Variants in ATP7B observed in about 807,000 individuals in gnomAD.
The protein encoded by ATP7B is ATPase copper transporting beta.
ATP7B carries 113 observed loss-of-function variants against 118.9 expected under a neutral mutation model. The observed-to-expected ratio is 0.95, with a 90% CI of 0.82 to 1.11. ATP7B has a LOEUF of 1.11. Among genes scored for constraint, ATP7B ranks in the 50% most tolerant of loss-of-function variants. ATP7B has a pLI of 0.00. For missense variants in ATP7B, 1,867 were observed against 1,871.4 expected, an observed-to-expected ratio of 1.00 and a Z score of 0.04; for synonymous variants, 777 against 727.4, an observed-to-expected ratio of 1.07 and a Z score of -1.10.
intron 5 of ATP7B, 175 bp downstream of exon 5, chr13:51,964,697 T>C (rs1193853917): frequency 1.5e-6 from 1 of 687,498 alleles, no homozygotes; most frequent in East Asian, 2.8e-5. Flanking sequence ...CTCAGATTAT[T>C]TATTATTTAC....
chr13:51,979,234 C>G (rs949060681), intron 1 of ATP7B, among the ~76,000 whole-genome samples: 3 of 152,168 alleles, frequency 2.0e-5, no homozygotes, highest in Admixed American at 2.0e-4. Flanking sequence ...AGCTTGAATA[C>G]AAGGGTGTGT....
chr13:51,945,178 C>A (rs141078353), intron 13 of ATP7B, among the ~76,000 whole-genome samples: 1 of 152,202 alleles, frequency 6.6e-6, no homozygotes, highest in African/African-American at 2.4e-5. Context: ...TCCCAACACA[C>A]GATCCAGTCA....
intron 2 of ATP7B, 55 bp from the exon 3 acceptor site, chr13:51,970,804 C>G: frequency 6.3e-7 from 1 of 1,590,024 alleles, no homozygotes; most frequent in Non-Finnish European, 8.6e-7. Context: ...ATATGTTTTT[C>G]AGAACAAGAG....
intron 1 of ATP7B, among the ~76,000 whole-genome samples, chr13:52,006,181 G>A (rs551616055): frequency 3.3e-5 from 5 of 152,110 alleles, no homozygotes; most frequent in Admixed American, 6.5e-5. Context: ...TAATAAATTC[G>A]TGGGTAAATC....
intron 1 of ATP7B, among the ~76,000 whole-genome samples, chr13:52,010,395 A>G (rs1399845521): frequency 6.6e-6 from 1 of 152,240 alleles, no homozygotes; most frequent in Admixed American, 6.5e-5. Flanking sequence ...CTAAAGAAAT[A>G]GTGTCAGCAT....
At chr13:51,966,788 G>C (rs1411745224) in intron 4 of ATP7B, 2 of 1,607,376 alleles carry the variant, frequency 1.2e-6, no homozygotes, top group Non-Finnish European at 1.7e-6. Context: ...CTGCTGGACA[G>C]CAAAGGCTTT....
At chr13:51,979,280 T>C (rs1242991600) in intron 1 of ATP7B, among the ~76,000 whole-genome samples, 2 of 152,216 alleles carry the variant, frequency 1.3e-5, no homozygotes, top group African/African-American at 2.4e-5. Flanking sequence ...GTCATGGTGC[T>C]AGGACTACCT....
intron 1 of ATP7B, among the ~76,000 whole-genome samples, chr13:52,009,522 T>C (rs576771517): frequency 6.0e-4 from 92 of 152,342 alleles, no homozygotes; most frequent in African/African-American, 2.1e-3. Context: ...ACACTTTCTG[T>C]AACCTCAGGA....
At chr13:51,954,929 C>T (rs1204765911) in intron 9 of ATP7B, among the ~76,000 whole-genome samples, 3 of 152,148 alleles carry the variant, frequency 2.0e-5, no homozygotes, top group Non-Finnish European at 2.9e-5. Context: ...GGCAGTACCA[C>T]CAGAACCCCA....
At chr13:51,975,520 G>A (rs767226382) in intron 1 of ATP7B, 14 of 527,942 alleles carry the variant, frequency 2.7e-5, no homozygotes, top group South Asian at 8.4e-5. Context: ...AGCGGCTCAC[G>A]GTGGGAAGGC....
At chr13:52,001,997 T>C (rs1953513022) in intron 1 of ATP7B, among the ~76,000 whole-genome samples, 1 of 152,104 alleles carries the variant, frequency 6.6e-6, no homozygotes, top group Non-Finnish European at 1.5e-5. Flanking sequence ...GGGGTTTCAC[T>C]ATGTTATCCA....
intron 17 of ATP7B, among the ~76,000 whole-genome samples, chr13:51,938,436 G>A (rs1406115160): frequency 2.6e-5 from 4 of 152,232 alleles, no homozygotes; most frequent in Admixed American, 2.6e-4. Flanking sequence ...GGGGAAGGAC[G>A]CTAAACAGGT....
At chr13:51,956,956 T>A (rs112842353) in intron 9 of ATP7B, among the ~76,000 whole-genome samples, 3 of 152,180 alleles carry the variant, frequency 2.0e-5, no homozygotes, top group Admixed American at 6.5e-5. Flanking sequence ...AGCTTCCTCA[T>A]CTGTAAATTA....
intron 1 of ATP7B, among the ~76,000 whole-genome samples, chr13:52,002,311 T>C (rs1012905507): frequency 2.6e-5 from 4 of 151,298 alleles, no homozygotes; most frequent in South Asian, 2.1e-4. Context: ...CCTGTAATCC[T>C]AGCACTTTGA....
At chr13:51,984,495 G>A (rs1952561417) in intron 1 of ATP7B, among the ~76,000 whole-genome samples, 1 of 152,156 alleles carries the variant, frequency 6.6e-6, no homozygotes, top group Non-Finnish European at 1.5e-5. Context: ...CACTCTTCAG[G>A]ATATTATCCA....
chr13:51,958,296 T>A lies in ATP7B; in HGVS notation c.2355+15A>T. 6.2e-7 allele frequency: 1 copy of A among 1,613,008 alleles called. No homozygotes were observed. Among genetic ancestry groups the A allele is most frequent in the Non-Finnish European group, 8.5e-7 (1 of 1,178,946 alleles). On this transcript the variant is annotated intron_variant, in intron 8 of 20. Transcript: ENST00000242839. ...TGAAGGAGCAGCTCTTTTCTGAACC[T>A]GAAGCTGCTGTTACCTTTGCCAAGT...
chr13:51,975,254 A>C, intron 1 of ATP7B, 86 bp from the exon 2 acceptor site: 2 of 1,520,484 alleles, frequency 1.3e-6, no homozygotes, highest in Non-Finnish European at 1.8e-6. Flanking sequence ...GAGAAAATGG[A>C]AAACAATGCC....
At position 51,974,776 on chromosome 13, in the gene ATP7B, C is replaced by T. The variant is rs370903117; in HGVS notation, c.444G>A (p.Arg148=). The part of the protein sequence containing the change: ...LPAQEAVVKL[R]VEGMTCQSCV... Reference sequence around the variant, plus strand: ...AGGACTGGCAGGTCATGCCCTCCACCCGGAGCTTGACCACAGCCTCCTGGG... The same window carrying T: ...AGGACTGGCAGGTCATGCCCTCCACTCGGAGCTTGACCACAGCCTCCTGGG... The change falls in exon 2 of 21, where the codon CGG becomes CGA. Residue 148 remains arginine (R), a synonymous_variant. Coordinates refer to ENST00000242839, the MANE Select transcript of ATP7B (RefSeq NM_000053.4). The T allele has an allele frequency of 1.2e-6, 2 of 1,614,088 alleles. No homozygotes were observed. The highest frequency in any genetic ancestry group is 1.7e-5 in the Admixed American group (1 of 60,008).
At chr13:51,961,327 G>A (rs1958727953) in intron 6 of ATP7B, among the ~76,000 whole-genome samples, 1 of 151,656 alleles carries the variant, frequency 6.6e-6, no homozygotes, top group East Asian at 1.9e-4. Context: ...GGTGCTGAAT[G>A]AGTAACTGGC....
Sources: gnomAD v4.1 joint callset for allele counts (sites outside exome capture counted in the v4.1 genomes callset) on GRCh38, gnomAD v4.1.1 for gene constraint, MANE v1.5 for transcripts, NCBI Gene and HGNC (gene_info 2026-07-23, HGNC 2026-07-21) for gene names.